The following AGBL1 variants were observed in gnomAD, a reference collection of about 807,000 sequenced individuals.
AGBL1 encodes the protein cytosolic carboxypeptidase 4.
AGBL1 carries 130 observed loss-of-function variants against 118.9 expected under a neutral mutation model. The observed-to-expected ratio is 1.09, with a 90% confidence interval of 0.95 to 1.26. The LOEUF (loss-of-function observed/expected upper bound fraction) is 1.26, where lower values mean the gene tolerates loss of function less well. Among genes scored for constraint, AGBL1 ranks in the 50% most tolerant of loss-of-function variants. AGBL1 has a pLI of 0.00. For synonymous variants in AGBL1, 555 were observed against 478.9 expected (o/e 1.16, Z -2.08); for missense variants, 1,584 against 1,298.1 (o/e 1.22, Z -3.38).
At position 86,562,621 on chromosome 15, in the gene AGBL1, G is replaced by C. The variant is rs1403011110; in HGVS notation, c.2994+8084G>C. On this transcript the variant is annotated intron_variant, in intron 21 of 22. Transcript: ENST00000614907. Reference sequence around the variant, plus strand: ...AAAATTCTCTTTTTTTGTTGTGTCTGTGCCAGGCTTTGGTAGCAGGATGAT... The same window carrying C: ...AAAATTCTCTTTTTTTGTTGTGTCTCTGCCAGGCTTTGGTAGCAGGATGAT... 1.9e-4 allele frequency among the ~76,000 whole-genome samples: 29 copies of C among 152,050 alleles called. 1 individual carries two copies. The highest frequency in any genetic ancestry group is 5.6e-4 in the African/African-American group (23 of 41,394).
chr15:86,266,308 A>G, intron 11 of AGBL1, 66 bp from the exon 12 acceptor site: 1 of 1,232,594 alleles, frequency 8.1e-7, no homozygotes. Flanking sequence ...TTCCCAGGTG[A>G]TCACAGGATG....
Position 86,914,253 on chromosome 15 carries a change from A to C in AGBL1, c.*6959A>C, listed in dbSNP as rs1266872934. ...ATCAACCAGACCCCACCCACACTTC[A>C]TTCTGAAGAGGAAGTTATTTTGGGA... On this transcript the variant is annotated 3_prime_UTR_variant, in exon 23 of 23. Transcript: ENST00000614907. 6.6e-6 allele frequency: 1 copy of C among 152,192 alleles called. No homozygotes were observed. The highest frequency in any genetic ancestry group is 1.5e-5 in the Non-Finnish European group (1 of 68,058). 9.4% of individuals were successfully genotyped at this position (152,192 alleles called of 1,614,324 possible).
At chr15:86,991,150 C>T (rs995156039) in intron 24 of AGBL1, among the ~76,000 whole-genome samples, 2 of 152,200 alleles carry the variant, frequency 1.3e-5, no homozygotes, top group Admixed American at 6.5e-5. Context: ...TTCTCGCTGT[C>T]TTCTCCCATG....
intron 24 of AGBL1, chr15:86,988,296 C>T (rs758210728): frequency 6.9e-5 from 36 of 523,142 alleles, no homozygotes; most frequent in African/African-American, 1.2e-4. Context: ...CAAATGAATA[C>T]GATTACTGGT....
chr15:86,678,212 A>G (rs2085885002), intron 22 of AGBL1, among the ~76,000 whole-genome samples: 1 of 152,162 alleles, frequency 6.6e-6, no homozygotes, highest in South Asian at 2.1e-4. Context: ...CTGGCAATAA[A>G]TTATTTGAAC....
At chr15:86,867,194 A>G (rs1278724668) in intron 22 of AGBL1, among the ~76,000 whole-genome samples, 2 of 152,154 alleles carry the variant, frequency 1.3e-5, no homozygotes, top group African/African-American at 4.8e-5. Flanking sequence ...ACAATCATAA[A>G]TGGTAGGTAC....
chr15:86,948,589 G>T (rs188029698), intron 23 of AGBL1, among the ~76,000 whole-genome samples: 17 of 152,306 alleles, frequency 1.1e-4, no homozygotes, highest in Admixed American at 1.1e-3. Context: ...ATTATGCGTG[G>T]CCCATCATAT....
chr15:86,843,625 T>C (rs1341120159), intron 22 of AGBL1, among the ~76,000 whole-genome samples: 1 of 152,190 alleles, frequency 6.6e-6, no homozygotes, highest in Non-Finnish European at 1.5e-5. Context: ...GATTTCTCCT[T>C]TCAACCTTAA....
chr15:86,300,727 T>C (rs1403995267), intron 17 of AGBL1, among the ~76,000 whole-genome samples: 1 of 152,152 alleles, frequency 6.6e-6, no homozygotes, highest in Non-Finnish European at 1.5e-5. Flanking sequence ...GGGCCTGAGG[T>C]GGGGAAAAGC....
At chr15:86,680,158 A>C (rs2085926938) in intron 22 of AGBL1, among the ~76,000 whole-genome samples, 1 of 152,184 alleles carries the variant, frequency 6.6e-6, no homozygotes, top group African/African-American at 2.4e-5. Context: ...ATGGCATTTA[A>C]ATTGTCTTAT....
intron 17 of AGBL1, among the ~76,000 whole-genome samples, chr15:86,392,805 A>G (rs1237084893): frequency 6.6e-6 from 1 of 152,178 alleles, no homozygotes. Flanking sequence ...CCCGTAGACT[A>G]TGGTGGTCAC....
chr15:86,946,438 C>G (rs989571033), intron 23 of AGBL1: 5 of 151,842 alleles, frequency 3.3e-5, no homozygotes, highest in East Asian at 1.9e-4. Flanking sequence ...TATATATAAT[C>G]TACTTAATTT....
chr15:86,841,212 A>T (rs547582896), intron 22 of AGBL1, among the ~76,000 whole-genome samples: 4 of 152,318 alleles, frequency 2.6e-5, no homozygotes, highest in Non-Finnish European at 4.4e-5. Flanking sequence ...GACCAAACAG[A>T]TAAAATACAA....
chr15:86,824,921 G>A (rs766600246), intron 22 of AGBL1, among the ~76,000 whole-genome samples: 3 of 152,012 alleles, frequency 2.0e-5, no homozygotes, highest in Non-Finnish European at 4.4e-5. Context: ...GCTGGGCGTG[G>A]TGGTGCACAC....
chr15:86,819,089 T>C (rs2141383531), intron 22 of AGBL1, among the ~76,000 whole-genome samples: 1 of 152,222 alleles, frequency 6.6e-6, no homozygotes, highest in Admixed American at 6.5e-5. Flanking sequence ...ACAAAATATT[T>C]CCAAAGTATA....
chr15:86,839,555 A>G (rs951864428), intron 22 of AGBL1, among the ~76,000 whole-genome samples: 5 of 152,168 alleles, frequency 3.3e-5, no homozygotes, highest in Non-Finnish European at 4.4e-5. Flanking sequence ...AGGTGGGATA[A>G]TATTCTGTTA....
intron 17 of AGBL1, among the ~76,000 whole-genome samples, chr15:86,369,201 G>A (rs1012073340): frequency 6.6e-5 from 10 of 152,154 alleles, no homozygotes; most frequent in East Asian, 1.9e-4. Context: ...TACATTTTAT[G>A]AGAAATTACA....
chr15:86,843,625 T>A (rs1341120159), intron 22 of AGBL1, among the ~76,000 whole-genome samples: 2 of 152,192 alleles, frequency 1.3e-5, no homozygotes, highest in African/African-American at 4.8e-5. Context: ...GATTTCTCCT[T>A]TCAACCTTAA....
intron 17 of AGBL1, among the ~76,000 whole-genome samples, chr15:86,341,062 C>T (rs2080454314): frequency 6.6e-6 from 1 of 152,172 alleles, no homozygotes; most frequent in Admixed American, 6.5e-5. Context: ...CGTGGGAGTC[C>T]AGGCTTCTCA....
Sources: allele counts gnomAD v4.1 joint callset (sites outside exome capture counted in the v4.1 genomes callset), GRCh38; gene constraint gnomAD v4.1.1; transcripts MANE v1.5; gene names NCBI Gene and HGNC (gene_info 2026-07-23, HGNC 2026-07-21).